Variants in CADM2 observed in about 807,000 individuals in gnomAD.
CADM2 encodes the protein cell adhesion molecule 2.
Under a neutral mutation model 49.8 loss-of-function variants are expected in CADM2, and 12 were observed. The ratio of observed to expected loss-of-function variants is 0.24; its 90% CI spans 0.15 to 0.39. The LOEUF is 0.39. CADM2 is among the 10% of genes least tolerant of loss of function. CADM2 has a pLI of 1.00. For synonymous variants in CADM2, 214 were observed against 175.4 expected, an observed-to-expected ratio of 1.22 and a Z score of -1.74; for missense variants, 378 against 492.3, an observed-to-expected ratio of 0.77 and a Z score of 2.20.
At chr3:85,371,818 T>A (rs1320046460) in intron 1 of CADM2, among the ~76,000 whole-genome samples, 1 of 150,642 alleles carries the variant, frequency 6.6e-6, no homozygotes, top group Non-Finnish European at 1.5e-5. Context: ...TATACTTGGG[T>A]TCCAGAGGGC....
At chr3:85,228,110 G>T (rs2107806190) in intron 1 of CADM2, among the ~76,000 whole-genome samples, 1 of 152,168 alleles carries the variant, frequency 6.6e-6, no homozygotes, top group South Asian at 2.1e-4. Context: ...CCTTGAGGTT[G>T]CTCTTTTTGA....
At chr3:85,126,425 G>A (rs1045997184) in intron 1 of CADM2, among the ~76,000 whole-genome samples, 28 of 151,962 alleles carry the variant, frequency 1.8e-4, no homozygotes, top group Middle Eastern at 6.8e-3. Context: ...GTGTTGTGGG[G>A]AAAAAAATCA....
intron 1 of CADM2, among the ~76,000 whole-genome samples, chr3:85,654,152 G>T (rs1006685386): frequency 3.3e-5 from 5 of 152,148 alleles, no homozygotes; most frequent in East Asian, 1.9e-4. Context: ...AGGCATATTT[G>T]CAGTAAATGG....
intron 1 of CADM2, among the ~76,000 whole-genome samples, chr3:85,144,238 T>TAC (rs1341186985): frequency 7.3e-5 from 5 of 68,862 alleles, no homozygotes; most frequent in South Asian, 6.2e-4. Context: ...AGTATTTTGT[T>TAC]ACACACGCAC....
chr3:85,292,111 A>G (rs2043816589), intron 1 of CADM2, among the ~76,000 whole-genome samples: 1 of 148,862 alleles, frequency 6.7e-6, no homozygotes, highest in Non-Finnish European at 1.5e-5. Context: ...AAGCAAATGG[A>G]AAACAAAAAA....
intron 1 of CADM2, among the ~76,000 whole-genome samples, chr3:85,386,514 T>C (rs1391387469): frequency 1.3e-5 from 2 of 152,180 alleles, no homozygotes; most frequent in Non-Finnish European, 2.9e-5. Flanking sequence ...TCTTGGTTCA[T>C]CCTTGTCCAT....
intron 1 of CADM2, among the ~76,000 whole-genome samples, chr3:85,612,481 AC>A: frequency 6.6e-6 from 1 of 151,972 alleles, no homozygotes; most frequent in East Asian, 1.9e-4. Context: ...GGAAATTTGA[AC>A]AGGGATGCTC....
At chr3:85,959,758 G>C (rs551755628) in intron 7 of CADM2, among the ~76,000 whole-genome samples, 1 of 151,970 alleles carries the variant, frequency 6.6e-6, no homozygotes, top group East Asian at 1.9e-4. Flanking sequence ...CCAGTATTCA[G>C]AGCAGTAACA....
At chr3:85,999,659 AAG>A (rs145791184) in intron 8 of CADM2, among the ~76,000 whole-genome samples, 1,786 of 149,286 alleles carry the variant, frequency 0.012, 37 homozygotes, top group African/African-American at 0.042. Flanking sequence ...GGAAAGAAAA[AAG>A]AAAGAAAGAA....
At chr3:85,368,919 G>T (rs190380768) in intron 1 of CADM2, among the ~76,000 whole-genome samples, 1 of 152,000 alleles carries the variant, frequency 6.6e-6, no homozygotes. Context: ...AATCCCTATT[G>T]CCAGTCCAAC....
chr3:85,049,437 G>A (rs1203284954), intron 1 of CADM2, among the ~76,000 whole-genome samples: 1 of 151,572 alleles, frequency 6.6e-6, no homozygotes, highest in Non-Finnish European at 1.5e-5. Context: ...TGCAAGCTCC[G>A]CCTCCCGGGT....
intron 4 of CADM2, among the ~76,000 whole-genome samples, chr3:85,884,981 G>A (rs1417082091): frequency 6.7e-6 from 1 of 150,224 alleles, no homozygotes; most frequent in Admixed American, 6.6e-5. Context: ...GCCTCCCAAA[G>A]TGTTGGGATT....
intron 1 of CADM2, among the ~76,000 whole-genome samples, chr3:85,168,887 T>C (rs1385920588): frequency 2.6e-5 from 4 of 152,156 alleles, no homozygotes; most frequent in East Asian, 1.9e-4. Flanking sequence ...TAATATATAT[T>C]TGAATAGTGG....
At chr3:85,374,921 A>G (rs2033496012) in intron 1 of CADM2, among the ~76,000 whole-genome samples, 4 of 152,128 alleles carry the variant, frequency 2.6e-5, no homozygotes, top group African/African-American at 4.8e-5. Context: ...CAGCGAAACC[A>G]TATCAGTGCT....
intron 7 of CADM2, among the ~76,000 whole-genome samples, chr3:85,944,229 A>G (rs530942701): frequency 1.3e-5 from 2 of 152,184 alleles, no homozygotes; most frequent in East Asian, 3.9e-4. Context: ...GAACTATCCT[A>G]AATATATATG....
intron 3 of CADM2, among the ~76,000 whole-genome samples, chr3:85,805,036 G>A (rs2072316915): frequency 1.3e-5 from 2 of 152,036 alleles, no homozygotes; most frequent in Admixed American, 1.3e-4. Flanking sequence ...CGCTTCCTCG[G>A]CTCCAGCAAT....
intron 1 of CADM2, among the ~76,000 whole-genome samples, chr3:85,188,918 C>G (rs1464472142): frequency 6.6e-6 from 1 of 151,934 alleles, no homozygotes; most frequent in South Asian, 2.1e-4. Flanking sequence ...GTAGTCCCAG[C>G]TACTCGGGAG....
chr3:85,691,120 CTCTACTTCTTTGAAA>C (rs2066373163), intron 1 of CADM2, among the ~76,000 whole-genome samples: 1 of 152,158 alleles, frequency 6.6e-6, no homozygotes, highest in Non-Finnish European at 1.5e-5. Context: ...TTATTCTCTC[CTCTACTTCTTTGAAA>C]TCGACTTCTT....
chr3:85,591,928 A>G (rs1365261874), intron 1 of CADM2, among the ~76,000 whole-genome samples: 1 of 152,072 alleles, frequency 6.6e-6, no homozygotes, highest in East Asian at 1.9e-4. Flanking sequence ...AGACCACAGA[A>G]CAGGCATAGG....
Sources: gnomAD v4.1 joint callset for allele counts (sites outside exome capture counted in the v4.1 genomes callset) on GRCh38, gnomAD v4.1.1 for gene constraint, MANE v1.5 for transcripts, NCBI Gene and HGNC (gene_info 2026-07-23, HGNC 2026-07-21) for gene names.